YES1: variants seen among roughly 807,000 people sequenced by gnomAD.
YES1 encodes the protein YES proto-oncogene 1, Src family tyrosine kinase.
Under a neutral mutation model 70.4 loss-of-function variants are expected in YES1, and 39 were observed. The ratio of observed to expected loss-of-function variants is 0.55; its 90% CI spans 0.43 to 0.72. YES1 has a LOEUF of 0.72. YES1 is among the 30% of genes least tolerant of loss of function. YES1 has a pLI of 0.00. For missense variants in YES1, 495 were observed against 644.8 expected (o/e 0.77, Z 2.52); for synonymous variants, 198 against 218.6 (o/e 0.91, Z 0.83).
rs549558075 is a variant in YES1, at chr18:722,859, G to T, written c.*1565C>A. On this transcript the variant is annotated 3_prime_UTR_variant, in exon 12 of 12. Coordinates refer to ENST00000314574, the MANE Select transcript of YES1 (RefSeq NM_005433.4). ...TGTAATCCCAGCACTTTGGGAGGCC[G>T]AGGCGGGCAGATCACAAGGTCAGGA... 6.6e-6 allele frequency: 1 copy of T among 152,208 alleles called. No individual in the cohort carries two copies. Among genetic ancestry groups the T allele is most frequent in the Non-Finnish European group, 1.5e-5 (1 of 68,052 alleles). The allele number at this position is 152,208 out of a possible 1,614,324, so 9.4% of individuals were successfully genotyped here. A position where few individuals can be genotyped will look rare whatever the true frequency, so the allele number is the denominator to read the frequency against.
intron 1 of YES1, among the ~76,000 whole-genome samples, chr18:796,820 A>C (rs1184907415): frequency 6.6e-6 from 1 of 152,140 alleles, no homozygotes; most frequent in Non-Finnish European, 1.5e-5. Context: ...AACAGGCCCA[A>C]GAGTAAAAAG....
rs1344120689 is a variant in YES1 at position 744,005 on chromosome 18, GTA to G, written c.725-592_725-591del. Among the ~76,000 whole-genome samples, 7 of 148,874 alleles carry G rather than the reference GTA, an allele frequency of 4.7e-5. No homozygotes were observed. The South Asian group carries it at 1.3e-3, about 27-fold the overall frequency. The stretch of plus-strand genomic sequence containing the variant: ...ATATATTGTATTTACTACTTAGTAT[GTA>G]TATACTAATATATAGTAGATATGTT... On this transcript the variant is annotated intron_variant, in intron 6 of 11. Transcript: ENST00000314574.
chr18:773,223 T>C (rs1905232695), intron 1 of YES1, among the ~76,000 whole-genome samples: 1 of 152,264 alleles, frequency 6.6e-6, no homozygotes, highest in African/African-American at 2.4e-5. Context: ...GGAAGATTAA[T>C]GTTTAATGCT....
At chr18:810,763 G>A (rs972191680) in intron 1 of YES1, among the ~76,000 whole-genome samples, 1 of 152,048 alleles carries the variant, frequency 6.6e-6, no homozygotes, top group Admixed American at 6.6e-5. Flanking sequence ...TGTGGCAGGG[G>A]TCTCACACTT....
chr18:778,894 G>C (rs977068962), intron 1 of YES1, among the ~76,000 whole-genome samples: 1 of 152,170 alleles, frequency 6.6e-6, no homozygotes, highest in Non-Finnish European at 1.5e-5. Flanking sequence ...CATTTTCCAA[G>C]AGTCGAAGGA....
At chr18:732,438 A>T (rs1250388922) in intron 11 of YES1, among the ~76,000 whole-genome samples, 4 of 135,452 alleles carry the variant, frequency 3.0e-5, no homozygotes, top group South Asian at 4.6e-4. Context: ...CTGTGTTTAA[A>T]AAAAAAAAAA....
rs1906894088 is a variant in YES1 at position 802,823 on chromosome 18, C to G, written c.-9+9291G>C. 2.0e-5 allele frequency among the ~76,000 whole-genome samples: 3 copies of G among 151,956 alleles called. No individual in the cohort carries two copies. In the South Asian group the frequency reaches 6.2e-4, roughly 32 times the overall value. ...AGGGGCCCAGCACAGTGGCTCACAC[C>G]TATAATCCTAGCACTTCGGGAGGTT... On this transcript the variant is annotated intron_variant, in intron 1 of 11. Coordinates refer to ENST00000314574, the MANE Select transcript of YES1 (RefSeq NM_005433.4).
chr18:791,775 C>G (rs1223625318), intron 1 of YES1, among the ~76,000 whole-genome samples: 1 of 152,088 alleles, frequency 6.6e-6, no homozygotes, highest in African/African-American at 2.4e-5. Flanking sequence ...GTGTACTGCA[C>G]CAGGCGTGGT....
chr18:773,810 C>G (rs1905255493), intron 1 of YES1, among the ~76,000 whole-genome samples: 1 of 150,976 alleles, frequency 6.6e-6, no homozygotes, highest in African/African-American at 2.4e-5. Flanking sequence ...CTGAGGTTCT[C>G]TCTCTCTCTT....
At chr18:769,621 T>C (rs1176231221) in intron 1 of YES1, among the ~76,000 whole-genome samples, 1 of 152,224 alleles carries the variant, frequency 6.6e-6, no homozygotes, top group Non-Finnish European at 1.5e-5. Context: ...ACAGTTTTTA[T>C]CATAAATGAG....
intron 1 of YES1, among the ~76,000 whole-genome samples, chr18:765,420 A>G (rs1275292129): frequency 3.7e-5 from 5 of 136,754 alleles, no homozygotes; most frequent in African/African-American, 1.1e-4. Flanking sequence ...TTTTTTTGAG[A>G]CGGAGTCTCG....
intron 4 of YES1, among the ~76,000 whole-genome samples, chr18:746,907 T>A (rs2080287555): frequency 6.6e-6 from 1 of 152,220 alleles, no homozygotes; most frequent in Non-Finnish European, 1.5e-5. Context: ...TATGTATGTG[T>A]GTGCATGTAT....
intron 1 of YES1, among the ~76,000 whole-genome samples, chr18:772,556 C>T (rs146976732): frequency 1.3e-3 from 194 of 152,194 alleles, no homozygotes; most frequent in Non-Finnish European, 2.1e-3. Context: ...CCTCAGCCTC[C>T]TGAGTAGCTG....
chr18:763,843 C>G (rs1256123825), intron 1 of YES1, among the ~76,000 whole-genome samples: 1 of 151,916 alleles, frequency 6.6e-6, no homozygotes, highest in Non-Finnish European at 1.5e-5. Context: ...AAGTCGAGGC[C>G]AGGCGCAGTG....
chr18:768,948 C>G (rs927226065), intron 1 of YES1, among the ~76,000 whole-genome samples: 2 of 152,132 alleles, frequency 1.3e-5, no homozygotes, highest in African/African-American at 4.8e-5. Context: ...AGTGATCCAC[C>G]TGCCTCAGCC....
At chr18:765,439 C>A (rs954033346) in intron 1 of YES1, among the ~76,000 whole-genome samples, 2 of 146,556 alleles carry the variant, frequency 1.4e-5, no homozygotes, top group Non-Finnish European at 3.0e-5. Flanking sequence ...CGCTCTGTCG[C>A]CCAGGCTGGA....
chr18:734,077 A>G (rs1420126443), intron 10 of YES1, among the ~76,000 whole-genome samples: 1 of 150,932 alleles, frequency 6.6e-6, no homozygotes, highest in African/African-American at 2.4e-5. Context: ...TCAGGAGTTC[A>G]AGACCAGCCT....
chr18:808,772 G>C (rs1232993296), intron 1 of YES1, among the ~76,000 whole-genome samples: 1 of 152,136 alleles, frequency 6.6e-6, no homozygotes, highest in Non-Finnish European at 1.5e-5. Flanking sequence ...ATTACATAAA[G>C]CAAATAAAAT....
At chr18:809,489 T>C (rs1334609626) in intron 1 of YES1, among the ~76,000 whole-genome samples, 1 of 152,160 alleles carries the variant, frequency 6.6e-6, no homozygotes, top group African/African-American at 2.4e-5. Context: ...TTAGTAGAGA[T>C]GGGGTTTCAC....
Sources: gnomAD v4.1 joint callset for allele counts (sites outside exome capture counted in the v4.1 genomes callset) on GRCh38, gnomAD v4.1.1 for gene constraint, MANE v1.5 for transcripts, NCBI Gene and HGNC (gene_info 2026-07-23, HGNC 2026-07-21) for gene names.